The following ATP1B2 variants were observed in gnomAD, a reference collection of about 807,000 sequenced individuals.
ATP1B2 encodes ATPase Na+/K+ transporting subunit beta 2.
ATP1B2 carries 12 observed loss-of-function variants against 37.3 expected under a neutral mutation model. That is an observed-to-expected ratio of 0.32 (90% CI 0.21 to 0.52). The LOEUF is 0.52. Among genes scored for constraint, ATP1B2 ranks in the 20% least tolerant of loss-of-function variants. The probability of loss-of-function intolerance (pLI) is 0.96; values close to 1 mark genes in which losing one functional copy is unlikely to be tolerated. For missense variants in ATP1B2, 324 were observed against 391.6 expected (o/e 0.83, Z 1.46); for synonymous variants, 139 against 140.5 (o/e 0.99, Z 0.07).
intron 1 of ATP1B2, 101 bp downstream of exon 1, chr17:7,651,731 C>T: frequency 1.9e-6 from 2 of 1,049,350 alleles, no homozygotes; most frequent in Non-Finnish European, 2.6e-6. Context: ...TCCCGGGTCC[C>T]CGGCGTCCAG....
At position 7,655,535 on chromosome 17, in the gene ATP1B2, A is replaced by G; in HGVS notation, c.618A>G (p.Glu206=). The change falls in exon 6 of 7, where the codon GAA becomes GAG. Residue 206 remains glutamate, a synonymous_variant. Transcript: ENST00000250111. This position sits in a 1 kb window ranked among gnomAD's most constrained non-coding sequence, Gnocchi z 4.4. ...TTCCTGCACCCCCACAGCGAGATGA[A>G]GATGCTGAGAATCTCGGCAACTTCG... is the stretch of plus-strand genomic sequence containing the variant. ...MNVTCAGKRD[E]DAENLGNFVM... is the part of the protein sequence containing the mutation. 6.2e-7 allele frequency: 1 copy of G among 1,614,172 alleles called. No individual in the cohort carries two copies. Among genetic ancestry groups the G allele is most frequent in the Non-Finnish European group, 8.5e-7 (1 of 1,180,032 alleles).
Position 7,653,515 on chromosome 17 carries a change from GCTCCCCCTGCCAGCTA to G in ATP1B2, c.241+17_241+32del. On this transcript the variant is annotated intron_variant, in intron 2 of 6. Transcript: ENST00000250111. Reference sequence around the variant, plus strand: ...CTGGCCACACCGGGTGAGTGTGGAGGCTCCCCCTGCCAGCTACTCTAACTGCTCTTGTGCCCCCAAA... The same window carrying G: ...CTGGCCACACCGGGTGAGTGTGGAGGCTCTAACTGCTCTTGTGCCCCCAAA... 6.2e-7 allele frequency: 1 copy of G among 1,613,656 alleles called. No individual in the cohort carries two copies. The highest frequency in any genetic ancestry group is 8.5e-7 in the Non-Finnish European group (1 of 1,179,832).
Position 7,655,976 on chromosome 17 carries a change from C to A in ATP1B2, c.*81C>A. 6.5e-7 allele frequency: 1 copy of A among 1,540,362 alleles called. No homozygotes were observed. ...CCCTGCCTGATCCCTCCCTCACCCA[C>A]CCCAAAGGTATTTTTGATAACAGAG... On this transcript the variant is annotated 3_prime_UTR_variant, in exon 7 of 7. Transcript: ENST00000250111. This position sits in a 1 kb window ranked among gnomAD's most constrained non-coding sequence, Gnocchi z 4.4.
At chr17:7,651,757 C>T in intron 1 of ATP1B2, 127 bp downstream of exon 1, 1 of 823,514 alleles carries the variant, frequency 1.2e-6, no homozygotes, top group Non-Finnish European at 1.8e-6. Context: ...CTGCCGGGCT[C>T]TGGGCTGGGA....
In ATP1B2 at chr17:7,654,037, C is replaced by G. The variant is rs761754748; in HGVS notation, c.347-15C>G. ...GAACATCTGGCCCCTGAGTCTCTCC[C>G]TCCCACCTCTTTAGCTTACAACGAC... On this transcript the variant is annotated splice_polypyrimidine_tract_variant and intron_variant, in intron 3 of 6. Transcript: ENST00000250111. The surrounding 1 kb of genome is among the most constrained non-coding windows in gnomAD (Gnocchi z 4.9). 6.2e-7 allele frequency: 1 copy of G among 1,613,960 alleles called. No individual in the cohort carries two copies. The highest frequency in any genetic ancestry group is 1.6e-4 in the Middle Eastern group (1 of 6,062).
At chr17:7,652,956 C>G (rs929910084) in intron 1 of ATP1B2, among the ~76,000 whole-genome samples, 1 of 152,114 alleles carries the variant, frequency 6.6e-6, no homozygotes, top group Non-Finnish European at 1.5e-5. Flanking sequence ...CCAGTCTCTG[C>G]GGGGTGGTAT....
chr17:7,654,516 C>T lies in ATP1B2; in HGVS notation c.553-112C>T, dbSNP rs1642764. 597,817 of 1,200,116 alleles carry T rather than the reference C, an allele frequency of 0.5. 152,513 individuals are homozygous for T. Among genetic ancestry groups the T allele is most frequent in the East Asian group, 0.54 (23,135 of 42,726 alleles). The allele number at this position is 1,200,116 out of a possible 1,614,324, so 74.3% of individuals were successfully genotyped here. A position where few individuals can be genotyped will look rare whatever the true frequency, so the allele number is the denominator to read the frequency against. ...AACTCCTGGAATTAAGCTATCCTCC[C>T]GCCTCAACCTCCCTAGTAGTTGGGA... is the stretch of plus-strand genomic sequence containing the variant. On this transcript the variant is annotated intron_variant, in intron 4 of 6. Transcript: ENST00000250111. The surrounding 1 kb of genome is among the most constrained non-coding windows in gnomAD (Gnocchi z 4.9).
chr17:7,646,962 G>A (rs2150975819), upstream of ATP1B2, among the ~76,000 whole-genome samples: 1 of 152,106 alleles, frequency 6.6e-6, no homozygotes, highest in South Asian at 2.1e-4. Context: ...AGGTGGACTA[G>A]TAGACAGGCA....
At chr17:7,651,686 G>A (rs2072614293) in intron 1 of ATP1B2, 56 bp downstream of exon 1, 3 of 1,474,042 alleles carry the variant, frequency 2.0e-6, no homozygotes, top group Admixed American at 4.2e-5. Context: ...ACGCCTCGGG[G>A]GCGCAGGGTC....
chr17:7,654,233 C>G lies in ATP1B2; in HGVS notation c.528C>G (p.Pro176=). 6.2e-7 allele frequency: 1 copy of G among 1,614,060 alleles called. No individual in the cohort carries two copies. The highest frequency in any genetic ancestry group is 8.5e-7 in the Non-Finnish European group (1 of 1,179,936). ...STHYGYSTGQ[P]CVFIKMNRVI... is the part of the protein sequence containing the mutation. ...ACTATGGTTACAGCACTGGGCAGCC[C>G]TGTGTCTTCATCAAGATGAACCGGG... The change falls in exon 4 of 7, where the codon CCC becomes CCG. Residue 176 remains proline, a synonymous_variant. Transcript: ENST00000250111. The surrounding 1 kb of genome is among the most constrained non-coding windows in gnomAD (Gnocchi z 4.9).
rs749298661 is a variant in ATP1B2 at position 7,651,405 on chromosome 17, C to T, written c.-114C>T. On this transcript the variant is annotated 5_prime_UTR_variant, in exon 1 of 7. Coordinates refer to ENST00000250111, the MANE Select transcript of ATP1B2 (RefSeq NM_001678.5). The stretch of plus-strand genomic sequence containing the variant: ...GCATATCTGAGGGGGGTCTCCTTTG[C>T]CCGCGCCGCCTTCGCTCCCCGTGCT... 86 of 935,800 alleles carry T rather than the reference C, an allele frequency of 9.2e-5. No individual in the cohort carries two copies. Among genetic ancestry groups the T allele is most frequent in the Non-Finnish European group, 1.3e-4 (77 of 607,454 alleles). The allele number at this position is 935,800 out of a possible 1,614,324, so 58.0% of individuals were successfully genotyped here. A position where few individuals can be genotyped will look rare whatever the true frequency, so the allele number is the denominator to read the frequency against.
chr17:7,648,969 C>T (rs908903802), upstream of ATP1B2, among the ~76,000 whole-genome samples: 4 of 152,202 alleles, frequency 2.6e-5, no homozygotes, highest in Non-Finnish European at 4.4e-5. Context: ...TGACTTCACA[C>T]CTCTGTGCCT....
chr17:7,653,429 C>T lies in ATP1B2; in HGVS notation c.168C>T (p.Thr56=), dbSNP rs1274620221. The T allele has an allele frequency of 1.2e-6, 2 of 1,614,114 alleles. No homozygotes were observed. Among genetic ancestry groups the T allele is most frequent in the East Asian group, 2.2e-5 (1 of 44,884 alleles). Residue 56 remains threonine (T), a synonymous_variant, in exon 2 of 7, where the codon ACC becomes ACT. Transcript: ENST00000250111. ...VFYGFLTAMF[T]LTMWVMLQTV... ...ATGGGTTCCTCACCGCCATGTTCAC[C>T]CTCACCATGTGGGTGATGCTGCAGA...
chr17:7,654,575 C>T lies in ATP1B2; in HGVS notation c.553-53C>T. On this transcript the variant is annotated intron_variant, in intron 4 of 6. Transcript: ENST00000250111. This position sits in a 1 kb window ranked among gnomAD's most constrained non-coding sequence, Gnocchi z 4.9. The stretch of plus-strand genomic sequence containing the variant: ...CCCGGCTTAGCTTGGTCTGGATGCC[C>T]ATCTTCGACAACTTCTTCCTCTGAC... 6.3e-7 allele frequency: 1 copy of T among 1,588,484 alleles called. No individual in the cohort carries two copies. The highest frequency in any genetic ancestry group is 2.2e-5 in the East Asian group (1 of 44,726).
upstream of ATP1B2, among the ~76,000 whole-genome samples, chr17:7,649,569 T>TA (rs1265789835): frequency 1.3e-3 from 202 of 150,498 alleles, 3 homozygotes; most frequent in African/African-American, 4.7e-3. Flanking sequence ...TTTTTTTTTT[T>TA]TTATTGAGAC....
chr17:7,652,314 G>C (rs2072619491), intron 1 of ATP1B2, among the ~76,000 whole-genome samples: 1 of 151,398 alleles, frequency 6.6e-6, no homozygotes, highest in Admixed American at 6.6e-5. Context: ...GCTGACCATG[G>C]CAGGACTCAG....
chr17:7,653,147 C>G (rs547549895), intron 1 of ATP1B2, among the ~76,000 whole-genome samples: 4 of 152,206 alleles, frequency 2.6e-5, no homozygotes, highest in Non-Finnish European at 5.9e-5. Context: ...TCGGGCTTCA[C>G]TGTGCCCTAG....
At chr17:7,650,909 C>G (rs1028034802), upstream of ATP1B2, among the ~76,000 whole-genome samples, 1 of 152,168 alleles carries the variant, frequency 6.6e-6, no homozygotes, top group African/African-American at 2.4e-5. Flanking sequence ...AGACCGCGCT[C>G]GGCGACCGCG....
Position 7,656,144 on chromosome 17 carries a change from G to A in ATP1B2, c.*249G>A, listed in dbSNP as rs1641512. On this transcript the variant is annotated 3_prime_UTR_variant, in exon 7 of 7. Transcript: ENST00000250111. ...CAGGGAGCTGGGCTAAGATGGCCAC[G>A]GAGGAGTTAGGAGCCTTTCTAGTTC... The A allele has an allele frequency of 0.75, 415,320 of 550,894 alleles. 157,169 individuals carry two copies. Among genetic ancestry groups the A allele is most frequent in the Middle Eastern group, 0.86 (1,762 of 2,058 alleles). 34.1% of individuals were successfully genotyped at this position (550,894 alleles called of 1,614,324 possible).
Sources: allele counts gnomAD v4.1 joint callset (sites outside exome capture counted in the v4.1 genomes callset), GRCh38; gene constraint gnomAD v4.1.1; non-coding constraint Gnocchi (gnomAD v3.1); transcripts MANE v1.5; gene names NCBI Gene and HGNC (gene_info 2026-07-23, HGNC 2026-07-21).